The following FECH variants were observed in gnomAD, a reference collection of about 807,000 sequenced individuals.
FECH encodes ferrochelatase.
FECH carries 40 observed loss-of-function variants against 56.9 expected under a neutral mutation model. That is an observed-to-expected ratio of 0.70 (90% CI 0.55 to 0.92). The LOEUF is 0.92. Ranked by LOEUF, FECH falls within the 40% of genes least tolerant of loss-of-function variation. FECH has a pLI of 0.00. For synonymous variants in FECH, 175 were observed against 198.6 expected (o/e 0.88, Z 1.00); for missense variants, 431 against 529.1 (o/e 0.81, Z 1.82).
chr18:57,558,372 C>T (rs2050894907), intron 7 of FECH, among the ~76,000 whole-genome samples: 1 of 152,228 alleles, frequency 6.6e-6, no homozygotes, highest in Non-Finnish European at 1.5e-5. Context: ...AACTAAGGAA[C>T]AGCCAGATCC....
intron 1 of FECH, among the ~76,000 whole-genome samples, chr18:57,586,232 ATCT>A (rs957680135): frequency 2.0e-5 from 3 of 152,162 alleles, no homozygotes; most frequent in Admixed American, 2.0e-4. Context: ...CCCTCGCGTA[ATCT>A]TCTCAACAGC....
chr18:57,558,475 G>A (rs2050895838), intron 7 of FECH, among the ~76,000 whole-genome samples: 1 of 152,196 alleles, frequency 6.6e-6, no homozygotes, highest in African/African-American at 2.4e-5. Context: ...ACAAAAGCAT[G>A]GGATTGAGAG....
In FECH at chr18:57,550,464, G is replaced by A. The variant is rs8339; in HGVS notation, c.*248C>T. 0.19 allele frequency: 86,377 copies of A among 466,038 alleles called. 11,148 individuals are homozygous for A. Among genetic ancestry groups the A allele is most frequent in the East Asian group, 0.46 (11,271 of 24,442 alleles). The allele number at this position is 466,038 out of a possible 1,614,324, so 28.9% of individuals were successfully genotyped here. On this transcript the variant is annotated 3_prime_UTR_variant, in exon 11 of 11. Coordinates refer to ENST00000262093, the MANE Select transcript of FECH (RefSeq NM_000140.5). ...TTTTAACTCATTTATTAAAGGTCCT[G>A]ATGGACATTCCAAACTAGTAACTTA...
chr18:57,573,228 T>G lies in FECH; in HGVS notation c.314+18A>C. On this transcript the variant is annotated intron_variant, in intron 3 of 10. Transcript: ENST00000262093. ...TGTAGTGCCAAGGTTATAATTGAGG[T>G]GTTTATATATATCTCACTTCTGAAT... The G allele has an allele frequency of 6.2e-7, 1 of 1,610,388 alleles. No homozygotes were observed. Among genetic ancestry groups the G allele is most frequent in the East Asian group, 2.2e-5 (1 of 44,866 alleles).
rs1406638525 is a variant in FECH at position 57,562,878 on chromosome 18, A to T, written c.701T>A (p.Ile234Asn). The T allele has an allele frequency of 1.2e-6, 2 of 1,613,520 alleles. No homozygotes were observed. Among genetic ancestry groups the T allele is most frequent in the Non-Finnish European group, 1.7e-6 (2 of 1,179,736 alleles). The change falls in exon 6 of 11, where the codon ATC becomes AAC. Residue 234 changes from isoleucine (I) to asparagine (N), a missense_variant. Transcript: ENST00000262093. ...AGCTGGCAAGCACTGGCTTACCTGG[A>T]TGAGGAGGTGATGTGTGGGCCACCT... ...IDRWPTHHLL[I>N]QCFADHILKE...
chr18:57,579,173 G>A lies in FECH; in HGVS notation c.194+900C>T, dbSNP rs537465898. 4.0e-5 allele frequency among the ~76,000 whole-genome samples: 6 copies of A among 151,144 alleles called. No individual in the cohort carries two copies. In the South Asian group the frequency reaches 8.4e-4, roughly 21 times the overall value. On this transcript the variant is annotated intron_variant, in intron 2 of 10. Transcript: ENST00000262093. The stretch of plus-strand genomic sequence containing the variant: ...TGAGACATGAGAATTGCTTGAACCC[G>A]GGAGGTGGAGGCTGCAGTGAGCTGA...
At chr18:57,574,552 C>G (rs368359207) in intron 2 of FECH, among the ~76,000 whole-genome samples, 1 of 152,240 alleles carries the variant, frequency 6.6e-6, no homozygotes, top group East Asian at 1.9e-4. Flanking sequence ...CTTAAAAAAA[C>G]AAAGTGCTAT....
At chr18:57,578,860 G>C (rs2122351444) in intron 2 of FECH, among the ~76,000 whole-genome samples, 1 of 152,068 alleles carries the variant, frequency 6.6e-6, no homozygotes, top group Admixed American at 6.6e-5. Flanking sequence ...TTGGGAGGCT[G>C]AGGCAGGAGA....
At position 57,545,645 on chromosome 18, in the gene FECH, A is replaced by C. The variant is rs1440474173; in HGVS notation, c.*5067T>G. Among the ~76,000 whole-genome samples, 1 of 152,200 alleles carries C rather than the reference A, an allele frequency of 6.6e-6. No individual in the cohort carries two copies. The highest frequency in any genetic ancestry group is 1.5e-5 in the Non-Finnish European group (1 of 68,036). On this transcript the variant is annotated 3_prime_UTR_variant, in exon 11 of 11. Transcript: ENST00000262093. Reference sequence around the variant, plus strand: ...TTCGTGCCATTCAACAAATATTAGCAGCATCAATTTACTTCTCTGAAGCAC... The same window carrying C: ...TTCGTGCCATTCAACAAATATTAGCCGCATCAATTTACTTCTCTGAAGCAC...
At chr18:57,570,924 G>A (rs573452006) in intron 4 of FECH, among the ~76,000 whole-genome samples, 37 of 152,330 alleles carry the variant, frequency 2.4e-4, no homozygotes, top group African/African-American at 8.7e-4. Context: ...AGAGCTGAAA[G>A]CATCACTGCG....
At position 57,571,507 on chromosome 18, in the gene FECH, G is replaced by A. The variant is rs1450439215; in HGVS notation, c.348C>T (p.Thr116=). Residue 116 remains threonine, a synonymous_variant, in exon 4 of 11, where the codon ACC becomes ACT. Coordinates refer to ENST00000262093, the MANE Select transcript of FECH (RefSeq NM_000140.5). ...TGCGGTACTGCTCTTGAATCTTGGG[G>A]GTTCGGCGTTTGGCGATGAATGGTG... is the stretch of plus-strand genomic sequence containing the variant. ...KLAPFIAKRR[T]PKIQEQYRRI... The A allele has an allele frequency of 2.5e-6, 4 of 1,613,762 alleles. No homozygotes were observed. In the African/African-American group the frequency reaches 4.0e-5, roughly 16 times the overall value.
Position 57,548,258 on chromosome 18 carries a change from A to AC in FECH, c.*2453_*2454insG, listed in dbSNP as rs1406614181. ...ATAGCAAGACTCCATCTTAAAAAAA[A>AC]AAAAAAACAAAACAAAACAATGAGT... On this transcript the variant is annotated 3_prime_UTR_variant, in exon 11 of 11. Coordinates refer to ENST00000262093, the MANE Select transcript of FECH (RefSeq NM_000140.5). 8.2e-4 allele frequency: 124 copies of AC among 151,808 alleles called. No homozygotes were observed. The highest frequency in any genetic ancestry group is 2.5e-3 in the African/African-American group (102 of 41,382). The allele number at this position is 151,808 out of a possible 1,614,324, so 9.4% of individuals were successfully genotyped here.
At chr18:57,577,004 C>T (rs139820528) in intron 2 of FECH, among the ~76,000 whole-genome samples, 192 of 152,286 alleles carry the variant, frequency 1.3e-3, no homozygotes, top group African/African-American at 4.4e-3. Context: ...ATTTTTATAT[C>T]CCAGGACTCT....
chr18:57,583,824 A>C (rs1306364348), intron 1 of FECH, among the ~76,000 whole-genome samples: 1 of 152,104 alleles, frequency 6.6e-6, no homozygotes, highest in Non-Finnish European at 1.5e-5. Context: ...GAAAAAAAGA[A>C]GGCCTACAAA....
chr18:57,568,456 C>T (rs1172393597), intron 4 of FECH, among the ~76,000 whole-genome samples: 1 of 152,236 alleles, frequency 6.6e-6, no homozygotes, highest in Admixed American at 6.5e-5. Flanking sequence ...CAGCAAGGTA[C>T]TCTCCAACTG....
At chr18:57,583,387 C>G (rs531968797) in intron 1 of FECH, among the ~76,000 whole-genome samples, 1 of 152,238 alleles carries the variant, frequency 6.6e-6, no homozygotes, top group African/African-American at 2.4e-5. Context: ...AAATCCCACA[C>G]GGGACCAAGA....
chr18:57,562,215 CA>C (rs2050954345), intron 6 of FECH, among the ~76,000 whole-genome samples: 1 of 152,150 alleles, frequency 6.6e-6, no homozygotes, highest in Non-Finnish European at 1.5e-5. Context: ...ATTATATTTG[CA>C]TAATTTAGGG....
chr18:57,568,665 A>G (rs2051050889), intron 4 of FECH, among the ~76,000 whole-genome samples: 1 of 152,156 alleles, frequency 6.6e-6, no homozygotes, highest in Non-Finnish European at 1.5e-5. Flanking sequence ...TAGCTTACGT[A>G]CCCTCAGAGC....
intron 2 of FECH, among the ~76,000 whole-genome samples, chr18:57,574,651 C>A (rs952827893): frequency 5.9e-5 from 9 of 152,268 alleles, no homozygotes; most frequent in Non-Finnish European, 1.2e-4. Flanking sequence ...CTCCTAAGCC[C>A]CGCCAGAGGG....
Sources: gnomAD v4.1 joint callset for allele counts (sites outside exome capture counted in the v4.1 genomes callset) on GRCh38, gnomAD v4.1.1 for gene constraint, MANE v1.5 for transcripts, NCBI Gene and HGNC (gene_info 2026-07-23, HGNC 2026-07-21) for gene names.